Variants in VASP observed in about 807,000 individuals in gnomAD.
VASP encodes vasodilator stimulated phosphoprotein.
Under a neutral mutation model 54.4 loss-of-function variants are expected in VASP, and 27 were observed. The ratio of observed to expected loss-of-function variants is 0.50; its 90% confidence interval spans 0.37 to 0.68. The LOEUF is 0.68. VASP is among the 30% of genes least tolerant of loss of function. The pLI, the probability that VASP is intolerant of heterozygous loss-of-function variation, is 0.00. For synonymous variants in VASP, 233 were observed against 209.8 expected (o/e 1.11, Z -0.96); for missense variants, 488 against 528.3 (o/e 0.92, Z 0.75).
chr19:45,514,609 G>A (rs1968665361), intron 1 of VASP, among the ~76,000 whole-genome samples: 1 of 152,228 alleles, frequency 6.6e-6, no homozygotes, highest in Non-Finnish European at 1.5e-5. Flanking sequence ...CACCCAGCAG[G>A]CGCCCTGTTC....
At chr19:45,525,835 C>T in intron 11 of VASP, 111 bp from the exon 12 acceptor site, 5 of 1,090,432 alleles carry the variant, frequency 4.6e-6, no homozygotes, top group Non-Finnish European at 6.7e-6. Flanking sequence ...TGCCATTGCA[C>T]CCTAGCCTGG....
intron 1 of VASP, among the ~76,000 whole-genome samples, chr19:45,510,714 C>T (rs1265250970): frequency 1.3e-5 from 2 of 152,116 alleles, no homozygotes; most frequent in African/African-American, 4.8e-5. Flanking sequence ...AGAAGGATCG[C>T]TTGAGCCCAG....
chr19:45,522,857 C>T (rs373882642), intron 7 of VASP, 39 bp downstream of exon 7: 2 of 1,582,564 alleles, frequency 1.3e-6, no homozygotes, highest in African/African-American at 1.4e-5. Context: ...CCTGGAGTTC[C>T]AGTTCAGTAG....
At chr19:45,511,722 G>A (rs983115934) in intron 1 of VASP, among the ~76,000 whole-genome samples, 2 of 152,188 alleles carry the variant, frequency 1.3e-5, no homozygotes. Flanking sequence ...TTGAACTTAA[G>A]TAGTGAGTTA....
chr19:45,510,615 G>A (rs1428681612), intron 1 of VASP, among the ~76,000 whole-genome samples: 2 of 152,166 alleles, frequency 1.3e-5, no homozygotes, highest in African/African-American at 4.8e-5. Flanking sequence ...CTGAGGCACA[G>A]GAAAGTTAGG....
chr19:45,520,693 G>A (rs1968812030), intron 3 of VASP, among the ~76,000 whole-genome samples: 1 of 152,192 alleles, frequency 6.6e-6, no homozygotes, highest in Non-Finnish European at 1.5e-5. Flanking sequence ...GCCAGGTGCG[G>A]TGGCTCACGC....
chr19:45,524,353 C>A, intron 10 of VASP: 2 of 670,402 alleles, frequency 3.0e-6, no homozygotes, highest in Non-Finnish European at 5.2e-6. Context: ...AGCGAGCCAT[C>A]ATCATGCCTG....
intron 7 of VASP, among the ~76,000 whole-genome samples, chr19:45,523,278 C>T (rs766030399): frequency 7.2e-5 from 10 of 138,596 alleles, no homozygotes; most frequent in Non-Finnish European, 1.2e-4. Context: ...TCTCGGTCCA[C>T]TGCAACCTCC....
In VASP at chr19:45,517,015, G is replaced by A. The variant is rs1469306145; in HGVS notation, c.6-648G>A. ...AAAAAAAAAAAAAAAAAGATTAGTC[G>A]GGTGTGGTGGTGCATGCTTGTAGTC... is the stretch of plus-strand genomic sequence containing the variant. On this transcript the variant is annotated intron_variant, in intron 1 of 12. Coordinates refer to ENST00000245932, the MANE Select transcript of VASP (RefSeq NM_003370.4). Among the ~76,000 whole-genome samples, 7 of 133,924 alleles carry A rather than the reference G, an allele frequency of 5.2e-5. No homozygotes were observed. In the East Asian group the frequency reaches 8.5e-4, roughly 16 times the overall value. The allele number at this position is 133,924 out of a possible 152,430, so 87.9% of individuals were successfully genotyped here.
intron 9 of VASP, 27 bp downstream of exon 9, chr19:45,523,904 A>C (rs746670135): frequency 1.9e-6 from 3 of 1,613,584 alleles, no homozygotes; most frequent in South Asian, 1.1e-5. Context: ...GTCCAGCCAC[A>C]GGAACTACAA....
At chr19:45,517,609 A>C in intron 1 of VASP, 54 bp from the exon 2 acceptor site, 7 of 1,574,546 alleles carry the variant, frequency 4.4e-6, no homozygotes, top group Non-Finnish European at 6.0e-6. Context: ...ATCTCCCAGG[A>C]GAGACCCAGA....
At chr19:45,523,961 G>A (rs1968902965) in intron 9 of VASP, 84 bp downstream of exon 9, 2 of 1,610,210 alleles carry the variant, frequency 1.2e-6, no homozygotes, top group South Asian at 1.1e-5. Flanking sequence ...TTATAGGAGA[G>A]TCAGGGCGAA....
chr19:45,517,608 G>A, intron 1 of VASP, 55 bp from the exon 2 acceptor site: 1 of 1,575,186 alleles, frequency 6.3e-7, no homozygotes, highest in Non-Finnish European at 8.6e-7. Flanking sequence ...AATCTCCCAG[G>A]AGAGACCCAG....
rs772067421 is a variant in VASP at position 45,522,149 on chromosome 19, C to G, written c.429-19C>G. The G allele has an allele frequency of 6.4e-5, 103 of 1,613,348 alleles. No homozygotes were observed. Among genetic ancestry groups the G allele is most frequent in the East Asian group, 2.2e-5 (1 of 44,866 alleles). ...CTTAGGGCCCTGATTGACGGCAGCTCTCTCGCCTCCCCCCACAGGCAGCAG... is the reference window on the plus strand; with the variant it reads ...CTTAGGGCCCTGATTGACGGCAGCTGTCTCGCCTCCCCCCACAGGCAGCAG... On this transcript the variant is annotated intron_variant, in intron 4 of 12. Transcript: ENST00000245932.
chr19:45,510,166 C>G (rs1300575754), intron 1 of VASP, among the ~76,000 whole-genome samples: 1 of 152,068 alleles, frequency 6.6e-6, no homozygotes, highest in Non-Finnish European at 1.5e-5. Flanking sequence ...TTTGATCAAG[C>G]ATCTATTTTA....
Position 45,507,726 on chromosome 19 carries a change from C to G in VASP, c.-46C>G, listed in dbSNP as rs911525215. 2 of 1,512,984 alleles carry G rather than the reference C, an allele frequency of 1.3e-6. No homozygotes were observed. Among genetic ancestry groups the G allele is most frequent in the African/African-American group, 1.4e-5 (1 of 69,662 alleles). 93.7% of individuals were successfully genotyped at this position (1,512,984 alleles called of 1,614,324 possible). ...CCTGAACCTCCAGCCAGGGGCGCCCCGGGAGCAGCCAGCCCGTGGGCGAGC... is the reference window on the plus strand; with the variant it reads ...CCTGAACCTCCAGCCAGGGGCGCCCGGGGAGCAGCCAGCCCGTGGGCGAGC... On this transcript the variant is annotated 5_prime_UTR_variant, in exon 1 of 13. Transcript: ENST00000245932. The surrounding 1 kb of genome is among the most constrained non-coding windows in gnomAD (Gnocchi z 4.4).
At chr19:45,509,321 C>A (rs191032557) in intron 1 of VASP, among the ~76,000 whole-genome samples, 2 of 152,158 alleles carry the variant, frequency 1.3e-5, no homozygotes, top group Non-Finnish European at 1.5e-5. Flanking sequence ...GTTTAGGGAG[C>A]GTCGCTCTCT....
At chr19:45,523,594 G>T (rs778092438) in intron 7 of VASP, 50 bp from the exon 8 acceptor site, 1 of 1,607,086 alleles carries the variant, frequency 6.2e-7, no homozygotes, top group East Asian at 2.2e-5. Context: ...CCCTCAGAAG[G>T]GGATGGGTTG....
At chr19:45,510,848 G>A (rs111243421) in intron 1 of VASP, among the ~76,000 whole-genome samples, 53 of 151,002 alleles carry the variant, frequency 3.5e-4, no homozygotes, top group African/African-American at 1.2e-3. Context: ...CGAGAGGATC[G>A]TTTGAGCTGG....
Sources: gnomAD v4.1 joint callset for allele counts (sites outside exome capture counted in the v4.1 genomes callset) on GRCh38, gnomAD v4.1.1 for gene constraint, Gnocchi (gnomAD v3.1) non-coding constraint, MANE v1.5 for transcripts, NCBI Gene and HGNC (gene_info 2026-07-23, HGNC 2026-07-21) for gene names.